PLCB1: variants seen among roughly 807,000 people sequenced by gnomAD.
PLCB1 encodes 1-phosphatidylinositol 4,5-bisphosphate phosphodiesterase beta-1.
A neutral mutation model predicts 161.8 loss-of-function variants in PLCB1; 46 were observed. That is an observed-to-expected ratio of 0.28 (90% CI 0.22 to 0.36). PLCB1 has a LOEUF of 0.36. PLCB1 is among the 10% of genes least tolerant of loss of function. The pLI, the probability that PLCB1 is intolerant of heterozygous loss-of-function variation, is 1.00. For synonymous variants in PLCB1, 517 were observed against 503.7 expected (o/e 1.03, Z -0.35); for missense variants, 1,016 against 1,472.5 (o/e 0.69, Z 5.07).
intron 2 of PLCB1, among the ~76,000 whole-genome samples, chr20:8,183,216 C>T (rs1017798593): frequency 2.6e-5 from 4 of 152,170 alleles, no homozygotes; most frequent in Non-Finnish European, 5.9e-5. Context: ...TTCAGGGTTC[C>T]AGTCCTGGTT....
rs148288081 is a variant in PLCB1, at chr20:8,757,110, G to C, written c.2588G>C (p.Gly863Ala). 25 of 1,613,322 alleles carry C rather than the reference G, an allele frequency of 1.5e-5. No individual in the cohort carries two copies. The African/African-American group carries it at 2.8e-4, about 18-fold the overall frequency. Residue 863 changes from glycine (G) to alanine (A), a missense_variant, in exon 24 of 32, where the codon GGG becomes GCG. Physicochemically the swap from Gly to Ala is moderately conservative, Grantham distance 60 (BLOSUM62 0). Coordinates refer to ENST00000338037, the MANE Select transcript of PLCB1 (RefSeq NM_015192.4). ...GCGAGAACGACTCCAGCAGAAAATG[G>C]GGTGAATCACACTACAACCCTGACA... ...SEARTTPAEN[G>A]VNHTTTLTPK... is the part of the protein sequence containing the mutation.
chr20:8,220,643 G>A (rs996924040), intron 2 of PLCB1, among the ~76,000 whole-genome samples: 1 of 152,206 alleles, frequency 6.6e-6, no homozygotes, highest in Non-Finnish European at 1.5e-5. Context: ...GCTAGGAAGA[G>A]GCAAGGAAGG....
intron 2 of PLCB1, among the ~76,000 whole-genome samples, chr20:8,365,526 C>T (rs1458177529): frequency 1.3e-5 from 2 of 152,226 alleles, no homozygotes; most frequent in African/African-American, 2.4e-5. Flanking sequence ...TTGAGAGGTA[C>T]ATTGCACAGA....
intron 2 of PLCB1, among the ~76,000 whole-genome samples, chr20:8,354,458 C>G (rs1986294867): frequency 6.6e-6 from 1 of 152,134 alleles, no homozygotes; most frequent in Non-Finnish European, 1.5e-5. Flanking sequence ...GAAATCACAG[C>G]AAATAAATTA....
chr20:8,267,338 G>A (rs1474291464), intron 2 of PLCB1, among the ~76,000 whole-genome samples: 2 of 152,122 alleles, frequency 1.3e-5, no homozygotes, highest in African/African-American at 4.8e-5. Context: ...CCCACCCACT[G>A]CCTTCTGCGG....
chr20:8,632,034 G>GGTT (rs750797408), intron 4 of PLCB1, among the ~76,000 whole-genome samples: 1 of 81,750 alleles, frequency 1.2e-5, no homozygotes, highest in Non-Finnish European at 2.6e-5. Flanking sequence ...GGTTTTTTTT[G>GGTT]CTTTTTTTTT....
At chr20:8,349,038 A>G (rs1986089924) in intron 2 of PLCB1, among the ~76,000 whole-genome samples, 1 of 152,208 alleles carries the variant, frequency 6.6e-6, no homozygotes, top group African/African-American at 2.4e-5. Context: ...ATATACACAC[A>G]CACATAAATA....
At chr20:8,706,019 C>T (rs1211528985) in intron 11 of PLCB1, among the ~76,000 whole-genome samples, 3 of 152,206 alleles carry the variant, frequency 2.0e-5, no homozygotes, top group African/African-American at 7.2e-5. Context: ...GTCAGCTTCT[C>T]CTAGGTTTTG....
In PLCB1 at chr20:8,419,757, A is replaced by T. The variant is rs1979460197; in HGVS notation, c.246+48307A>T. ...ACATAAGTAGAGAAGCATTTTTATT[A>T]TAGTGATTTTACATGGAGGCAATGG... is the stretch of plus-strand genomic sequence containing the variant. On this transcript the variant is annotated intron_variant, in intron 3 of 31. Coordinates refer to ENST00000338037, the MANE Select transcript of PLCB1 (RefSeq NM_015192.4). Among the ~76,000 whole-genome samples, 3 of 152,324 alleles carry T rather than the reference A, an allele frequency of 2.0e-5. No homozygotes were observed. In the South Asian group the frequency reaches 6.2e-4, roughly 32 times the overall value.
chr20:8,473,190 T>G (rs1982128679), intron 3 of PLCB1, among the ~76,000 whole-genome samples: 2 of 152,174 alleles, frequency 1.3e-5, no homozygotes, highest in Non-Finnish European at 2.9e-5. Flanking sequence ...TGGATTTTGG[T>G]GAACATGCAG....
chr20:8,284,143 A>G (rs1983004766), intron 2 of PLCB1, among the ~76,000 whole-genome samples: 1 of 152,010 alleles, frequency 6.6e-6, no homozygotes, highest in Non-Finnish European at 1.5e-5. Context: ...ACCACATTGT[A>G]TTACTCTTAA....
Position 8,657,285 on chromosome 20 carries a change from G to GT in PLCB1, c.695+2dup. On this transcript the variant is annotated splice_donor_variant, in intron 8 of 31. Transcript: ENST00000338037. LOFTEE classifies it high-confidence loss of function. ...AAATTGATAACATCTTTTCAGAATT[G>GT]TAAGAGTACACATTTTAAGCCATAT... 1.3e-6 allele frequency: 2 copies of GT among 1,550,790 alleles called. No individual in the cohort carries two copies. Among genetic ancestry groups the GT allele is most frequent in the Non-Finnish European group, 1.8e-6 (2 of 1,122,510 alleles).
At chr20:8,313,765 T>C (rs1312302825) in intron 2 of PLCB1, among the ~76,000 whole-genome samples, 2 of 152,210 alleles carry the variant, frequency 1.3e-5, no homozygotes, top group Non-Finnish European at 2.9e-5. Context: ...AACACTTCAT[T>C]TCTGTTTCTT....
At chr20:8,379,313 G>A (rs1987191967) in intron 3 of PLCB1, among the ~76,000 whole-genome samples, 1 of 152,132 alleles carries the variant, frequency 6.6e-6, no homozygotes, top group Admixed American at 6.6e-5. Context: ...AGTATTCCAT[G>A]GTTTATATGT....
intron 31 of PLCB1, among the ~76,000 whole-genome samples, chr20:8,793,080 A>T (rs951582219): frequency 6.6e-6 from 1 of 152,232 alleles, no homozygotes; most frequent in African/African-American, 2.4e-5. Flanking sequence ...TGACATAGAC[A>T]TGAGGGAAAT....
Position 8,582,089 on chromosome 20 carries a change from G to T in PLCB1, c.247-46205G>T, listed in dbSNP as rs560881297. On this transcript the variant is annotated intron_variant, in intron 3 of 31. Coordinates refer to ENST00000338037, the MANE Select transcript of PLCB1 (RefSeq NM_015192.4). Reference sequence around the variant, plus strand: ...CTCCCCTATCCCCAACCCCAGAACTGGTTGTTAAACATTTACCAGGACACC... The same window carrying T: ...CTCCCCTATCCCCAACCCCAGAACTTGTTGTTAAACATTTACCAGGACACC... Among the ~76,000 whole-genome samples, 17 of 152,262 alleles carry T rather than the reference G, an allele frequency of 1.1e-4. No individual in the cohort carries two copies. The South Asian group carries it at 3.5e-3, about 32-fold the overall frequency.
chr20:8,869,541 G>C (rs892477448), intron 31 of PLCB1, among the ~76,000 whole-genome samples: 1 of 152,136 alleles, frequency 6.6e-6, no homozygotes, highest in Non-Finnish European at 1.5e-5. Context: ...TAAGAATTTT[G>C]CTCCTGGAAA....
rs75261484 is a variant in PLCB1 at position 8,150,986 on chromosome 20, T to C, written c.177+615T>C. Among the ~76,000 whole-genome samples, 905 of 152,264 alleles carry C rather than the reference T, an allele frequency of 5.9e-3. 7 individuals are homozygous for C. Among genetic ancestry groups the C allele is most frequent in the African/African-American group, 0.02 (849 of 41,554 alleles). Reference sequence around the variant, plus strand: ...AATTGATGATTCTGTACTGAATTATTAAAAAGTAGAATATCTGCTGATCAT... The same window carrying C: ...AATTGATGATTCTGTACTGAATTATCAAAAAGTAGAATATCTGCTGATCAT... On this transcript the variant is annotated intron_variant, in intron 2 of 31. Coordinates refer to ENST00000338037, the MANE Select transcript of PLCB1 (RefSeq NM_015192.4).
At chr20:8,739,661 A>C (rs767639966) in intron 21 of PLCB1, among the ~76,000 whole-genome samples, 7 of 152,230 alleles carry the variant, frequency 4.6e-5, no homozygotes, top group Non-Finnish European at 8.8e-5. Flanking sequence ...GCTCCGCAGC[A>C]TAGCTGTGCT....
Sources: allele counts gnomAD v4.1 joint callset (sites outside exome capture counted in the v4.1 genomes callset), GRCh38; gene constraint gnomAD v4.1.1; transcripts MANE v1.5; gene names NCBI Gene and HGNC (gene_info 2026-07-23, HGNC 2026-07-21).